MGAT4C: variants seen among roughly 807,000 people sequenced by gnomAD.
MGAT4C encodes MGAT4 family member C.
MGAT4C carries 19 observed loss-of-function variants against 40.1 expected under a neutral mutation model. The ratio of observed to expected loss-of-function variants is 0.47; its 90% confidence interval spans 0.33 to 0.70. MGAT4C has a LOEUF of 0.70. Ranked by LOEUF, MGAT4C falls within the 30% of genes least tolerant of loss-of-function variation. The pLI is 0.02. For synonymous variants in MGAT4C, 181 were observed against 187.1 expected, an observed-to-expected ratio of 0.97 and a Z score of 0.27; for missense variants, 491 against 563.2, an observed-to-expected ratio of 0.87 and a Z score of 1.30.
At chr12:86,429,652 A>T (rs1007164994) in intron 3 of MGAT4C, among the ~76,000 whole-genome samples, 1 of 152,092 alleles carries the variant, frequency 6.6e-6, no homozygotes, top group Non-Finnish European at 1.5e-5. Flanking sequence ...TCTGATAGTA[A>T]TATTCACCCT....
At chr12:86,288,289 T>C (rs1953407618) in intron 4 of MGAT4C, among the ~76,000 whole-genome samples, 1 of 152,218 alleles carries the variant, frequency 6.6e-6, no homozygotes, top group Admixed American at 6.5e-5. Flanking sequence ...TCTCCCATTC[T>C]GTAGGTTGCC....
chr12:86,538,629 CAA>C, intron 2 of MGAT4C, among the ~76,000 whole-genome samples: 1 of 127,302 alleles, frequency 7.9e-6, no homozygotes, highest in Non-Finnish European at 1.6e-5. Flanking sequence ...TTTTTTGAGA[CAA>C]GAGTCTTGCT....
intron 2 of MGAT4C, among the ~76,000 whole-genome samples, chr12:86,572,166 T>G (rs1242989212): frequency 1.3e-5 from 2 of 152,170 alleles, no homozygotes; most frequent in East Asian, 3.9e-4. Flanking sequence ...ATTAGCTTTG[T>G]GCACTGGAAG....
At chr12:86,316,235 C>T (rs144741293) in intron 4 of MGAT4C, among the ~76,000 whole-genome samples, 25 of 152,074 alleles carry the variant, frequency 1.6e-4, no homozygotes, top group African/African-American at 6.0e-4. Context: ...GGTGAGGCTG[C>T]AGAGGAAAGG....
intron 2 of MGAT4C, among the ~76,000 whole-genome samples, chr12:86,521,131 TA>T (rs1345582347): frequency 2.0e-5 from 3 of 152,174 alleles, no homozygotes; most frequent in Admixed American, 1.3e-4. Context: ...AACTTTGTCA[TA>T]AAATACATGC....
intron 2 of MGAT4C, among the ~76,000 whole-genome samples, chr12:86,479,351 A>T (rs1467994890): frequency 2.0e-5 from 3 of 151,978 alleles, no homozygotes; most frequent in Non-Finnish European, 4.4e-5. Flanking sequence ...ACTATCTAGA[A>T]TTTTCAAATC....
intron 2 of MGAT4C, among the ~76,000 whole-genome samples, chr12:86,458,394 G>A (rs1592871580): frequency 6.6e-6 from 1 of 152,118 alleles, no homozygotes; most frequent in East Asian, 1.9e-4. Flanking sequence ...TTCCTACCTG[G>A]TTTCTCAGTT....
intron 2 of MGAT4C, among the ~76,000 whole-genome samples, chr12:86,591,886 T>C (rs932020515): frequency 4.6e-5 from 7 of 151,980 alleles, no homozygotes; most frequent in Non-Finnish European, 8.8e-5. Flanking sequence ...ATTACCTTTT[T>C]ACCTGTTTAG....
At chr12:86,189,792 T>G (rs1190364024) in intron 1 of MGAT4C, among the ~76,000 whole-genome samples, 2 of 151,972 alleles carry the variant, frequency 1.3e-5, no homozygotes, top group Non-Finnish European at 2.9e-5. Flanking sequence ...TGGGTAGTCT[T>G]GTAGTTCACT....
intron 2 of MGAT4C, among the ~76,000 whole-genome samples, chr12:86,658,382 A>G (rs921909324): frequency 3.9e-5 from 6 of 152,080 alleles, no homozygotes; most frequent in African/African-American, 1.4e-4. Context: ...TTAAGTTTCA[A>G]GAGAGACAAG....
chr12:86,043,699 A>C (rs1190997168), intron 2 of MGAT4C, among the ~76,000 whole-genome samples: 1 of 152,174 alleles, frequency 6.6e-6, no homozygotes, highest in Non-Finnish European at 1.5e-5. Flanking sequence ...TAACCATCAC[A>C]TCCTCCAATA....
chr12:86,266,168 T>C (rs1952782597), intron 4 of MGAT4C, among the ~76,000 whole-genome samples: 1 of 152,232 alleles, frequency 6.6e-6, no homozygotes, highest in East Asian at 1.9e-4. Flanking sequence ...GGACTTCTAG[T>C]ACTATGTTGA....
At chr12:86,538,914 G>A (rs1034721916) in intron 2 of MGAT4C, among the ~76,000 whole-genome samples, 7 of 151,550 alleles carry the variant, frequency 4.6e-5, no homozygotes, top group African/African-American at 1.7e-4. Flanking sequence ...GCCCAAAGTG[G>A]AATACATTTA....
intron 3 of MGAT4C, among the ~76,000 whole-genome samples, chr12:86,426,673 C>T (rs902112784): frequency 2.6e-5 from 4 of 152,072 alleles, no homozygotes; most frequent in Non-Finnish European, 4.4e-5. Flanking sequence ...AAGGGCCGGG[C>T]GTGGTGGCTC....
chr12:86,547,438 T>A (rs1033909085), intron 2 of MGAT4C, among the ~76,000 whole-genome samples: 2 of 152,106 alleles, frequency 1.3e-5, no homozygotes, highest in African/African-American at 2.4e-5. Context: ...TTAAAAAATA[T>A]AATATTCATG....
chr12:86,675,966 A>C (rs1225083495), intron 2 of MGAT4C, among the ~76,000 whole-genome samples: 1 of 31,128 alleles, frequency 3.2e-5, no homozygotes, highest in Non-Finnish European at 1.3e-4. Flanking sequence ...CACAAAGATA[A>C]AAAAGCAAAA....
intron 1 of MGAT4C, among the ~76,000 whole-genome samples, chr12:86,065,620 A>C (rs1408167972): frequency 6.6e-6 from 1 of 152,126 alleles, no homozygotes; most frequent in Non-Finnish European, 1.5e-5. Flanking sequence ...ATGGGCAAAA[A>C]CTGGAAGCAT....
chr12:86,792,128 G>C (rs1262566970), intron 1 of MGAT4C, among the ~76,000 whole-genome samples: 2 of 152,122 alleles, frequency 1.3e-5, no homozygotes, highest in African/African-American at 4.8e-5. Flanking sequence ...TTTTCTTACA[G>C]TCAGGTAAAA....
intron 1 of MGAT4C, among the ~76,000 whole-genome samples, chr12:86,809,131 G>C (rs541748808): frequency 6.6e-6 from 1 of 152,226 alleles, no homozygotes; most frequent in African/African-American, 2.4e-5. Context: ...GGAAATCAAA[G>C]AGGACACAAA....
Sources: gnomAD v4.1 joint callset for allele counts (sites outside exome capture counted in the v4.1 genomes callset) on GRCh38, gnomAD v4.1.1 for gene constraint, MANE v1.5 for transcripts, NCBI Gene and HGNC (gene_info 2026-07-23, HGNC 2026-07-21) for gene names.